The following E2F8 variants were observed in gnomAD, a reference collection of about 807,000 sequenced individuals.
E2F8 encodes the protein transcription factor E2F8.
E2F8 carries 35 observed loss-of-function variants against 80.8 expected under a neutral mutation model. That is an observed-to-expected ratio of 0.43 (90% CI 0.33 to 0.57). The LOEUF is 0.57. E2F8 is among the 20% of genes least tolerant of loss of function. E2F8 has a pLI of 0.04. For synonymous variants in E2F8, 386 were observed against 395.0 expected (o/e 0.98, Z 0.27); for missense variants, 975 against 1,056.2 (o/e 0.92, Z 1.07).
chr11:19,235,518 G>T (rs1424071113), intron 4 of E2F8, among the ~76,000 whole-genome samples: 1 of 152,090 alleles, frequency 6.6e-6, no homozygotes, highest in Non-Finnish European at 1.5e-5. Flanking sequence ...GTGTGGTGGC[G>T]GGTGCCTGTA....
At position 19,234,301 on chromosome 11, in the gene E2F8, G is replaced by A. The variant is rs562099311; in HGVS notation, c.928+59C>T. The stretch of plus-strand genomic sequence containing the variant: ...TTTCCTAATTTGGAAATGAGTTTAC[G>A]ACTGAGATTTTATTGTTTAAGAATA... On this transcript the variant is annotated intron_variant, in intron 6 of 12. Coordinates refer to ENST00000250024, the MANE Select transcript of E2F8 (RefSeq NM_024680.4). 87 of 1,579,696 alleles carry A rather than the reference G, an allele frequency of 5.5e-5. No individual in the cohort carries two copies. In the South Asian group the frequency reaches 7.1e-4, roughly 13 times the overall value.
rs1193326186 is a variant in E2F8 at position 19,225,366 on chromosome 11, A to G, written c.2276T>C (p.Val759Ala). 3.1e-6 allele frequency: 5 copies of G among 1,614,132 alleles called. No individual in the cohort carries two copies. The highest frequency in any genetic ancestry group is 4.2e-6 in the Non-Finnish European group (5 of 1,180,022). The part of the protein sequence containing the change: ...QLSASPGSGI[V>A]PVSPRIESVN... Reference sequence around the variant, plus strand: ...AGACTCTATTCTTGGAGACACAGGAACGATTCCAGACCCAGGGCTGGCAGA... The same window carrying G: ...AGACTCTATTCTTGGAGACACAGGAGCGATTCCAGACCCAGGGCTGGCAGA... The change falls in exon 12 of 13, where the codon GTT becomes GCT. Residue 759 changes from valine (V) to alanine (A), a missense_variant. Physicochemically the swap from Val to Ala is moderately conservative, Grantham distance 64 (BLOSUM62 0). Transcript: ENST00000250024.
intron 7 of E2F8, among the ~76,000 whole-genome samples, chr11:19,231,502 TAA>T (rs1206638839): frequency 2.0e-5 from 3 of 152,204 alleles, no homozygotes; most frequent in Non-Finnish European, 4.4e-5. Flanking sequence ...GAATGGAACC[TAA>T]GTTTCCCTCT....
In E2F8 at chr11:19,232,214, T is replaced by C. The variant is rs777368145; in HGVS notation, c.1066+20A>G. On this transcript the variant is annotated intron_variant, in intron 7 of 12. Coordinates refer to ENST00000250024, the MANE Select transcript of E2F8 (RefSeq NM_024680.4). ...CACACACAAATAATAAAGCAGAGGGTGAAAGAAAAAAATACATACCACTGG... is the reference window on the plus strand; with the variant it reads ...CACACACAAATAATAAAGCAGAGGGCGAAAGAAAAAAATACATACCACTGG... 1.2e-6 allele frequency: 2 copies of C among 1,609,306 alleles called. No homozygotes were observed. The highest frequency in any genetic ancestry group is 2.7e-5 in the African/African-American group (2 of 74,490).
chr11:19,238,270 A>ATATTAATAAT, intron 2 of E2F8, 138 bp from the exon 3 acceptor site: 1 of 832,460 alleles, frequency 1.2e-6, no homozygotes. Flanking sequence ...GAGGAAATTA[A>ATATTAATAAT]TAACTGTATT....
chr11:19,234,842 C>T lies in E2F8; in HGVS notation c.668G>A (p.Ser223Asn). 1 of 1,614,188 alleles carries T rather than the reference C, an allele frequency of 6.2e-7. No homozygotes were observed. Among genetic ancestry groups the T allele is most frequent in the Non-Finnish European group, 8.5e-7 (1 of 1,180,036 alleles). ...GATGATATGATCCTCTATACTGTAA[C>T]TCTTAATAAAGTCAAACTCTTGCTC... The part of the protein sequence containing the change: ...EYEQEFDFIK[S>N]YSIEDHIIKS... The change falls in exon 5 of 13, where the codon AGT becomes AAT. Residue 223 changes from serine (S) to asparagine (N), a missense_variant. By Grantham distance (46) the Ser-to-Asn change is conservative. Transcript: ENST00000250024.
chr11:19,233,821 A>G (rs1357243827), intron 6 of E2F8, among the ~76,000 whole-genome samples: 1 of 151,764 alleles, frequency 6.6e-6, no homozygotes, highest in African/African-American at 2.4e-5. Flanking sequence ...TACAATATCA[A>G]ATGAAGCAAT....
chr11:19,235,762 A>G (rs900742643), intron 4 of E2F8, among the ~76,000 whole-genome samples: 1 of 152,216 alleles, frequency 6.6e-6, no homozygotes, highest in African/African-American at 2.4e-5. Context: ...TTAAAACTCT[A>G]CATCTCACAC....
chr11:19,239,961 T>C, intron 2 of E2F8, 146 bp downstream of exon 2: 6 of 436,134 alleles, frequency 1.4e-5, no homozygotes. Context: ...AACTATAAGA[T>C]AAGGTTCATT....
At chr11:19,237,154 C>G (rs141960700) in intron 4 of E2F8, among the ~76,000 whole-genome samples, 160 bp downstream of exon 4, 174 of 152,326 alleles carry the variant, frequency 1.1e-3, no homozygotes, top group African/African-American at 4.0e-3. Flanking sequence ...TACTTACCTT[C>G]ATTCTTATAT....
intron 4 of E2F8, among the ~76,000 whole-genome samples, chr11:19,235,594 A>G (rs1851494877): frequency 6.6e-6 from 1 of 152,102 alleles, no homozygotes; most frequent in Non-Finnish European, 1.5e-5. Context: ...GCTTGCAGTG[A>G]GCCTAGATCG....
At chr11:19,235,847 G>A (rs1015003337) in intron 4 of E2F8, among the ~76,000 whole-genome samples, 3 of 152,092 alleles carry the variant, frequency 2.0e-5, no homozygotes, top group African/African-American at 7.2e-5. Flanking sequence ...ACAAAATGCT[G>A]AGATTTCAGA....
In E2F8 at chr11:19,230,686, T is replaced by A; in HGVS notation, c.1215A>T (p.Glu405Asp). 6.2e-7 allele frequency: 1 copy of A among 1,614,204 alleles called. No individual in the cohort carries two copies. The highest frequency in any genetic ancestry group is 8.5e-7 in the Non-Finnish European group (1 of 1,180,032). The change falls in exon 8 of 13, where the codon GAA becomes GAT. Residue 405 changes from glutamate to aspartate, a missense_variant. Coordinates refer to ENST00000250024, the MANE Select transcript of E2F8 (RefSeq NM_024680.4). ...CAGAATTTATCTTTCTCCGATCACTTTCTATACTCTTTACCAATTTGATAA... is the reference window on the plus strand; with the variant it reads ...CAGAATTTATCTTTCTCCGATCACTATCTATACTCTTTACCAATTTGATAA... ...PSLIKLVKSIESDRRKINSAP... is the reference protein window; with the variant it reads ...PSLIKLVKSIDSDRRKINSAP...
At chr11:19,235,961 A>C (rs754487155) in intron 4 of E2F8, among the ~76,000 whole-genome samples, 1 of 152,232 alleles carries the variant, frequency 6.6e-6, no homozygotes, top group Admixed American at 6.5e-5. Flanking sequence ...TAACAATATG[A>C]TATTAGTAAT....
chr11:19,228,336 A>G (rs1851287356), intron 10 of E2F8, among the ~76,000 whole-genome samples: 1 of 152,262 alleles, frequency 6.6e-6, no homozygotes, highest in African/African-American at 2.4e-5. Context: ...AATGGTTACC[A>G]TGAGGCCATC....
Position 19,237,244 on chromosome 11 carries a change from G to A in E2F8, c.451+70C>T, listed in dbSNP as rs182137341. 6 of 1,439,482 alleles carry A rather than the reference G, an allele frequency of 4.2e-6. No homozygotes were observed. The African/African-American group carries it at 5.6e-5, about 14-fold the overall frequency. 89.2% of individuals were successfully genotyped at this position (1,439,482 alleles called of 1,614,324 possible). A position where few individuals can be genotyped will look rare whatever the true frequency, so the allele number is the denominator to read the frequency against. The stretch of plus-strand genomic sequence containing the variant: ...ACAAACACTGGCTAGATGAGCGGGG[G>A]TCTGAAGGAGTTAAGTCCATAAAGC... On this transcript the variant is annotated intron_variant, in intron 4 of 12. Coordinates refer to ENST00000250024, the MANE Select transcript of E2F8 (RefSeq NM_024680.4).
In E2F8 at chr11:19,226,804, C is replaced by T. The variant is rs530303029; in HGVS notation, c.1894-940G>A. ...AGATTTCTTTCTAGTACTGCTTGCT[C>T]TAATGATAACAAGCAGTCTTAAAAT... is the stretch of plus-strand genomic sequence containing the variant. On this transcript the variant is annotated intron_variant, in intron 10 of 12. Transcript: ENST00000250024. 5.3e-5 allele frequency among the ~76,000 whole-genome samples: 8 copies of T among 152,270 alleles called. No homozygotes were observed. In the East Asian group the frequency reaches 1.5e-3, roughly 29 times the overall value.
At chr11:19,240,472 A>G (rs1851629273) in intron 1 of E2F8, 76 bp downstream of exon 1, 1 of 168,566 alleles carries the variant, frequency 5.9e-6, no homozygotes, top group East Asian at 1.6e-4. Flanking sequence ...CGGAATTTCT[A>G]GTGACAGCCC....
intron 10 of E2F8, 100 bp from the exon 11 acceptor site, chr11:19,225,964 T>C (rs1851226875): frequency 2.8e-6 from 4 of 1,426,860 alleles, no homozygotes; most frequent in Non-Finnish European, 2.8e-6. Flanking sequence ...GGTTGCCTCA[T>C]TGGACCAAAG....
Sources: allele counts gnomAD v4.1 joint callset (sites outside exome capture counted in the v4.1 genomes callset), GRCh38; gene constraint gnomAD v4.1.1; transcripts MANE v1.5; gene names NCBI Gene and HGNC (gene_info 2026-07-23, HGNC 2026-07-21).